IFI44: variants seen among roughly 807,000 people sequenced by gnomAD.
The protein encoded by IFI44 is interferon-induced protein 44.
A neutral mutation model predicts 45.0 loss-of-function variants in IFI44; 42 were observed. The observed-to-expected ratio is 0.93, with a 90% confidence interval of 0.73 to 1.21. IFI44 has a LOEUF of 1.21. Ranked by LOEUF, IFI44 falls within the 50% of genes most tolerant of loss-of-function variation. The pLI, the probability that IFI44 is intolerant of heterozygous loss-of-function variation, is 0.00. For missense variants in IFI44, 623 were observed against 525.8 expected (o/e 1.18, Z -1.81); for synonymous variants, 221 against 188.6 (o/e 1.17, Z -1.41).
intron 2 of IFI44, 98 bp downstream of exon 2, chr1:78,650,750 G>C (rs1179235325): frequency 4.0e-5 from 31 of 783,694 alleles, no homozygotes; most frequent in South Asian, 3.6e-4. Flanking sequence ...CTTTTCACTT[G>C]TCAATAATTT....
Position 78,655,018 on chromosome 1 carries a change from A to G in IFI44, c.499A>G (p.Arg167Gly). 6.2e-7 allele frequency: 1 copy of G among 1,610,488 alleles called. No homozygotes were observed. The highest frequency in any genetic ancestry group is 1.1e-5 in the South Asian group (1 of 90,576). The change falls in exon 4 of 9, where the codon AGG (arginine) becomes GGG (glycine). Residue 167 changes from arginine (R) to glycine (G), a missense_variant. Transcript: ENST00000370747. Reference protein sequence around the residue: ...ERKIKGVIELRKSLLSALRTY... With the variant: ...ERKIKGVIELGKSLLSALRTY... ...AAAACGGTCATGTCTAAACAGGCTC[A>G]GGAAGAGCTTACTGTCTGCCTTGAG...
Position 78,663,964 on chromosome 1 carries a change from T to C in IFI44, c.*153T>C, listed in dbSNP as rs566844868. 73 of 484,708 alleles carry C rather than the reference T, an allele frequency of 1.5e-4. No homozygotes were observed. Among genetic ancestry groups the C allele is most frequent in the Non-Finnish European group, 2.5e-4 (71 of 288,452 alleles). The allele number at this position is 484,708 out of a possible 1,614,324, so 30.0% of individuals were successfully genotyped here. A position where few individuals can be genotyped will look rare whatever the true frequency, so the allele number is the denominator to read the frequency against. On this transcript the variant is annotated 3_prime_UTR_variant, in exon 9 of 9. Coordinates refer to ENST00000370747, the MANE Select transcript of IFI44 (RefSeq NM_006417.5). Reference sequence around the variant, plus strand: ...AATGCATAGAACATTGTAGTACTTGTAAATAACTAGAAATAACATGATTTA... The same window carrying C: ...AATGCATAGAACATTGTAGTACTTGCAAATAACTAGAAATAACATGATTTA...
chr1:78,663,110 T>A (rs964610205), intron 8 of IFI44: 1 of 985,378 alleles, frequency 1.0e-6, no homozygotes. Flanking sequence ...TGTCTTGAGA[T>A]GAAAGTTTTA....
intron 7 of IFI44, 45 bp downstream of exon 7, chr1:78,660,699 A>G (rs1647400662): frequency 8.3e-7 from 1 of 1,204,624 alleles, no homozygotes; most frequent in Admixed American, 1.7e-5. Context: ...GGGGTATGTT[A>G]CTACAATCAC....
intron 5 of IFI44, among the ~76,000 whole-genome samples, chr1:78,655,762 A>G (rs1647197565): frequency 6.6e-6 from 1 of 152,036 alleles, no homozygotes; most frequent in Admixed American, 6.6e-5. Flanking sequence ...CACACAGATA[A>G]TTTTTCTTAT....
rs1416819728 is a variant in IFI44 at position 78,655,087 on chromosome 1, CTGCTGCTGGGTCCAAT to C, written c.571_586del (p.Leu191GlufsTer11). ...ATCCCTGGTTCAACAAATACGAATT[CTGCTGCTGGGTCCAAT>C]TGGAGCTGGGAAGTCCAGCTTTTTC... is the stretch of plus-strand genomic sequence containing the variant. On this transcript the variant is annotated frameshift_variant, in exon 4 of 9. Coordinates refer to ENST00000370747, the MANE Select transcript of IFI44 (RefSeq NM_006417.5). LOFTEE classifies it high-confidence loss of function. 3.7e-6 allele frequency: 6 copies of C among 1,613,916 alleles called. No individual in the cohort carries two copies. The highest frequency in any genetic ancestry group is 5.1e-6 in the Non-Finnish European group (6 of 1,179,862).
chr1:78,662,504 T>C (rs1647519407), intron 7 of IFI44, 200 bp from the exon 8 acceptor site: 1 of 545,928 alleles, frequency 1.8e-6, no homozygotes, highest in Non-Finnish European at 3.2e-6. Context: ...ACTGCATGTA[T>C]TCCAAATTAC....
chr1:78,662,709 GGAAGTCCAAA>G lies in IFI44; in HGVS notation c.1123_1132del (p.Val375AsnfsTer24), dbSNP rs1242410808. ...TTTTAATTTCTGTATTGCAGCTAGA[GGAAGTCCAAA>G]GAAAACTTGGATTTGCTCTTTCTGA... On this transcript the variant is annotated frameshift_variant, in exon 8 of 9. Coordinates refer to ENST00000370747, the MANE Select transcript of IFI44 (RefSeq NM_006417.5). LOFTEE classifies it high-confidence loss of function. 6.2e-7 allele frequency: 1 copy of G among 1,611,832 alleles called. No individual in the cohort carries two copies. The highest frequency in any genetic ancestry group is 8.5e-7 in the Non-Finnish European group (1 of 1,178,764).
chr1:78,652,582 A>C lies in IFI44; in HGVS notation c.458-1661A>C, dbSNP rs1028178186. On this transcript the variant is annotated intron_variant, in intron 2 of 8. Transcript: ENST00000370747. ...GAGTGTTCCCTGGTAAAGTGAGTGA[A>C]TGTATCTGTCTAGCTGCTTTAGCTC... Among the ~76,000 whole-genome samples, 11 of 152,278 alleles carry C rather than the reference A, an allele frequency of 7.2e-5. No homozygotes were observed. In the East Asian group the frequency reaches 2.1e-3, roughly 29 times the overall value.
At position 78,663,911 on chromosome 1, in the gene IFI44, T is replaced by C; in HGVS notation, c.*100T>C. 9.4e-7 allele frequency: 1 copy of C among 1,067,650 alleles called. No individual in the cohort carries two copies. Among genetic ancestry groups the C allele is most frequent in the Non-Finnish European group, 1.3e-6 (1 of 743,878 alleles). The allele number at this position is 1,067,650 out of a possible 1,614,324, so 66.1% of individuals were successfully genotyped here. On this transcript the variant is annotated 3_prime_UTR_variant, in exon 9 of 9. Coordinates refer to ENST00000370747, the MANE Select transcript of IFI44 (RefSeq NM_006417.5). ...AGAGAAGTATCTAAGACCAAAGGGA[T>C]GTGTTTTATTAATGTCTAGGATGAA...
chr1:78,663,634 T>C, intron 8 of IFI44, 131 bp from the exon 9 acceptor site: 1 of 1,410,522 alleles, frequency 7.1e-7, no homozygotes, highest in Admixed American at 3.2e-5. Flanking sequence ...CCCCATCCCT[T>C]CTCTTCCTCA....
In IFI44 at chr1:78,662,783, T is replaced by G; in HGVS notation, c.1193T>G (p.Leu398Arg). ...VVSNYSSEWE[L>R]DPVKDVLILS... is the part of the protein sequence containing the mutation. The stretch of plus-strand genomic sequence containing the variant: ...AGCAATTATTCCTCTGAGTGGGAGC[T>G]GGACCCTGTAAAGGATGTTCTAATT... Residue 398 changes from leucine (L) to arginine (R), a missense_variant, in exon 8 of 9, where the codon CTG becomes CGG. Transcript: ENST00000370747. The G allele has an allele frequency of 6.2e-7, 1 of 1,613,962 alleles. No homozygotes were observed. The highest frequency in any genetic ancestry group is 8.5e-7 in the Non-Finnish European group (1 of 1,179,914).
At chr1:78,650,723 C>G in intron 2 of IFI44, 71 bp downstream of exon 2, 1 of 1,028,904 alleles carries the variant, frequency 9.7e-7, no homozygotes, top group Admixed American at 2.5e-5. Context: ...CAATTCATCT[C>G]TTTAAGGAAA....
At chr1:78,659,698 A>G (rs981851705) in intron 6 of IFI44, among the ~76,000 whole-genome samples, 6 of 152,228 alleles carry the variant, frequency 3.9e-5, no homozygotes, top group Non-Finnish European at 8.8e-5. Flanking sequence ...TCTCTAATCA[A>G]TAAAATTAGT....
rs568966094 is a variant in IFI44 at position 78,661,780 on chromosome 1, C to G, written c.1114-924C>G. On this transcript the variant is annotated intron_variant, in intron 7 of 8. Transcript: ENST00000370747. ...GGGAGATTTCATCAATGGAACGGCA[C>G]AGGGAAACGGCTTTCAAGGAGAAGA... Among the ~76,000 whole-genome samples, 168 of 152,088 alleles carry G rather than the reference C, an allele frequency of 1.1e-3. 2 individuals are homozygous for G. Among genetic ancestry groups the G allele is most frequent in the African/African-American group, 3.8e-3 (159 of 41,486 alleles).
intron 7 of IFI44, among the ~76,000 whole-genome samples, chr1:78,661,365 T>G (rs1383514813): frequency 6.6e-6 from 1 of 152,074 alleles, no homozygotes; most frequent in African/African-American, 2.4e-5. Context: ...ACCCAGCCAT[T>G]TTTTTTCAAT....
Position 78,650,428 on chromosome 1 carries a change from TC to T in IFI44, c.235del (p.Leu79PhefsTer14), listed in dbSNP as rs1647103889. 2 of 1,613,814 alleles carry T rather than the reference TC, an allele frequency of 1.2e-6. No homozygotes were observed. Among genetic ancestry groups the T allele is most frequent in the Non-Finnish European group, 1.7e-6 (2 of 1,179,812 alleles). On this transcript the variant is annotated frameshift_variant, in exon 2 of 9. Coordinates refer to ENST00000370747, the MANE Select transcript of IFI44 (RefSeq NM_006417.5). LOFTEE classifies it high-confidence loss of function. ...CAGGAAGGAAAGTATGCTTCCATCA[TC>T]CTTTTTGCACTTCAAGATACTAAAA... ...SYQEGKYASI[I>X]LFALQDTKIS...
At chr1:78,662,671 T>A (rs370999790) in intron 7 of IFI44, 33 bp from the exon 8 acceptor site, 13 of 1,489,108 alleles carry the variant, frequency 8.7e-6, no homozygotes, top group Non-Finnish European at 1.2e-5. Flanking sequence ...TTTTTCACTG[T>A]TTTGCAATGT....
chr1:78,651,999 T>G (rs1011728233), intron 2 of IFI44, among the ~76,000 whole-genome samples: 4 of 152,234 alleles, frequency 2.6e-5, no homozygotes, highest in Middle Eastern at 3.4e-3. Context: ...TAAGTGAAGT[T>G]TATGGGCCAC....
Sources: gnomAD v4.1 joint callset for allele counts (sites outside exome capture counted in the v4.1 genomes callset) on GRCh38, gnomAD v4.1.1 for gene constraint, MANE v1.5 for transcripts, NCBI Gene and HGNC (gene_info 2026-07-23, HGNC 2026-07-21) for gene names.